The following PRDM16 variants were observed in gnomAD, a reference collection of about 807,000 sequenced individuals.
The protein encoded by PRDM16 is PR/SET domain 16.
Under a neutral mutation model 110.6 loss-of-function variants are expected in PRDM16, and 23 were observed. That is an observed-to-expected ratio of 0.21 (90% CI 0.15 to 0.29). PRDM16 has a LOEUF of 0.29. PRDM16 is among the 10% of genes least tolerant of loss of function. PRDM16 has a pLI of 1.00. For synonymous variants in PRDM16, 799 were observed against 781.8 expected (o/e 1.02, Z -0.37); for missense variants, 1,615 against 1,794.3 (o/e 0.90, Z 1.81).
intron 1 of PRDM16, among the ~76,000 whole-genome samples, chr1:3,112,882 C>T (rs546802955): frequency 1.1e-4 from 16 of 152,224 alleles, no homozygotes; most frequent in Non-Finnish European, 1.8e-4. Flanking sequence ...TCCTGTGGAA[C>T]GGGGTCCCGG....
At chr1:3,180,994 A>G (rs1056812684) in intron 1 of PRDM16, among the ~76,000 whole-genome samples, 7 of 136,920 alleles carry the variant, frequency 5.1e-5, no homozygotes, top group Admixed American at 2.2e-4. Context: ...AGTCTTACAC[A>G]CGATCTTACA....
At chr1:3,292,476 G>A (rs1049274357) in intron 3 of PRDM16, among the ~76,000 whole-genome samples, 1 of 152,238 alleles carries the variant, frequency 6.6e-6, no homozygotes, top group Non-Finnish European at 1.5e-5. Flanking sequence ...CCGCCTGGCT[G>A]CGCCTCTATC....
chr1:3,078,822 C>CA (rs908522140), intron 1 of PRDM16, among the ~76,000 whole-genome samples: 1 of 152,226 alleles, frequency 6.6e-6, no homozygotes, highest in Non-Finnish European at 1.5e-5. Flanking sequence ...GGTATTACAG[C>CA]AACTATGGAT....
chr1:3,341,339 C>T (rs1410918929), intron 3 of PRDM16, among the ~76,000 whole-genome samples: 1 of 152,146 alleles, frequency 6.6e-6, no homozygotes, highest in Non-Finnish European at 1.5e-5. Context: ...GGCTGCAGGC[C>T]CTGGGCCTTG....
At chr1:3,360,906 C>T (rs923364573) in intron 3 of PRDM16, among the ~76,000 whole-genome samples, 1 of 152,218 alleles carries the variant, frequency 6.6e-6, no homozygotes, top group Non-Finnish European at 1.5e-5. Context: ...AAGTCACAAA[C>T]ATGGGGCCAG....
At position 3,244,778 on chromosome 1, in the gene PRDM16, T is replaced by C. The variant is rs1265327323; in HGVS notation, c.438+641T>C. Among the ~76,000 whole-genome samples the C allele has an allele frequency of 2.0e-5, 3 of 152,220 alleles. No homozygotes were observed. The East Asian group carries it at 5.8e-4, about 30-fold the overall frequency. On this transcript the variant is annotated intron_variant, in intron 3 of 16. Coordinates refer to ENST00000270722, the MANE Select transcript of PRDM16 (RefSeq NM_022114.4). This position sits in a 1 kb window ranked among gnomAD's most constrained non-coding sequence, Gnocchi z 4.1. ...CACATGTGTGCCTGGGTGTGCACAC[T>C]GCAGTCCAGACGGCCAGGAGGAGGA... is the stretch of plus-strand genomic sequence containing the variant.
intron 1 of PRDM16, among the ~76,000 whole-genome samples, chr1:3,166,146 A>G (rs1643953788): frequency 6.6e-6 from 1 of 152,252 alleles, no homozygotes; most frequent in Non-Finnish European, 1.5e-5. Flanking sequence ...GCTGAAATTC[A>G]TTAACTGCCA....
At chr1:3,195,467 A>G (rs1638451373) in intron 2 of PRDM16, among the ~76,000 whole-genome samples, 1 of 152,194 alleles carries the variant, frequency 6.6e-6, no homozygotes, top group South Asian at 2.1e-4. Context: ...GACTTTCTTT[A>G]AATAGAGCAT....
At chr1:3,193,206 A>G (rs1569815284) in intron 2 of PRDM16, among the ~76,000 whole-genome samples, 1 of 152,294 alleles carries the variant, frequency 6.6e-6, no homozygotes. Context: ...AGAGTCACCA[A>G]TGTTCCCTGA....
intron 3 of PRDM16, among the ~76,000 whole-genome samples, chr1:3,361,066 T>C (rs1282251127): frequency 1.3e-5 from 2 of 152,170 alleles, no homozygotes; most frequent in African/African-American, 2.4e-5. Flanking sequence ...CAGCGTTCCA[T>C]TGAGCGCAGG....
intron 3 of PRDM16, among the ~76,000 whole-genome samples, chr1:3,291,110 T>C (rs1241948417): frequency 1.3e-5 from 2 of 151,954 alleles, no homozygotes; most frequent in East Asian, 3.9e-4. Flanking sequence ...AGTAGCAGTT[T>C]CCTGATGTGA....
chr1:3,083,895 C>T (rs1319249072), intron 1 of PRDM16, among the ~76,000 whole-genome samples: 3 of 152,226 alleles, frequency 2.0e-5, no homozygotes, highest in African/African-American at 4.8e-5. Flanking sequence ...CCCACACACG[C>T]ATGGAACACG....
chr1:3,182,736 A>G (rs907997728), intron 1 of PRDM16, among the ~76,000 whole-genome samples: 1 of 152,122 alleles, frequency 6.6e-6, no homozygotes, highest in South Asian at 2.1e-4. Context: ...TATGCGATCA[A>G]ATGACGATCG....
At chr1:3,263,791 G>A (rs945695431) in intron 3 of PRDM16, among the ~76,000 whole-genome samples, 2 of 152,374 alleles carry the variant, frequency 1.3e-5, no homozygotes, top group Admixed American at 6.5e-5. Context: ...GAAGCCAGGA[G>A]AAGCCTTTGC....
rs1292713162 is a variant in PRDM16, at chr1:3,209,925, C to T, written c.387+23451C>T. Among the ~76,000 whole-genome samples the T allele has an allele frequency of 2.6e-5, 4 of 152,206 alleles. No homozygotes were observed. On this transcript the variant is annotated intron_variant, in intron 2 of 16. Coordinates refer to ENST00000270722, the MANE Select transcript of PRDM16 (RefSeq NM_022114.4). The surrounding 1 kb of genome is among the most constrained non-coding windows in gnomAD (Gnocchi z 4.6). ...AAAGGTGCACCTGTGTTAGCCCTTTCACAGAACTCTTACTTAACATGGAAA... is the reference window on the plus strand; with the variant it reads ...AAAGGTGCACCTGTGTTAGCCCTTTTACAGAACTCTTACTTAACATGGAAA...
intron 3 of PRDM16, among the ~76,000 whole-genome samples, chr1:3,279,942 G>A (rs776609049): frequency 6.8e-6 from 1 of 146,756 alleles, no homozygotes; most frequent in Non-Finnish European, 1.5e-5. Flanking sequence ...CGAGAAGCAT[G>A]AGCTCGGTCA....
At chr1:3,385,056 G>T in intron 3 of PRDM16, 96 bp from the exon 4 acceptor site, 1 of 1,492,170 alleles carries the variant, frequency 6.7e-7, no homozygotes, top group East Asian at 2.3e-5. Context: ...CTTCCTACTT[G>T]AGCCCAAACA....
chr1:3,437,425 C>G lies in PRDM16; in HGVS notation c.*3614C>G, dbSNP rs1167898269. The G allele has an allele frequency of 4.3e-6, 1 of 231,754 alleles. No individual in the cohort carries two copies. Among genetic ancestry groups the G allele is most frequent in the African/African-American group, 2.2e-5 (1 of 45,192 alleles). 14.4% of individuals were successfully genotyped at this position (231,754 alleles called of 1,614,324 possible). A position where few individuals can be genotyped will look rare whatever the true frequency, so the allele number is the denominator to read the frequency against. On this transcript the variant is annotated 3_prime_UTR_variant, in exon 17 of 17. Coordinates refer to ENST00000270722, the MANE Select transcript of PRDM16 (RefSeq NM_022114.4). The stretch of plus-strand genomic sequence containing the variant: ...GGTCCCCTGCCCCCTCTGTCCCGTC[C>G]CCCTGCCCAAGTGACTGAAACCTAC...
chr1:3,381,685 G>A lies in PRDM16; in HGVS notation c.439-3467G>A, dbSNP rs139932772. Among the ~76,000 whole-genome samples, 83 of 152,260 alleles carry A rather than the reference G, an allele frequency of 5.5e-4. 1 individual carries two copies. Among genetic ancestry groups the A allele is most frequent in the African/African-American group, 1.9e-3 (78 of 41,554 alleles). Reference sequence around the variant, plus strand: ...ATTATAGGCATGAGCCACCGTGCCCGACAGAGGCCAACACTCTTGAGTCAA... The same window carrying A: ...ATTATAGGCATGAGCCACCGTGCCCAACAGAGGCCAACACTCTTGAGTCAA... On this transcript the variant is annotated intron_variant, in intron 3 of 16. Transcript: ENST00000270722.
Sources: allele counts gnomAD v4.1 joint callset (sites outside exome capture counted in the v4.1 genomes callset), GRCh38; gene constraint gnomAD v4.1.1; non-coding constraint Gnocchi (gnomAD v3.1); transcripts MANE v1.5; gene names NCBI Gene and HGNC (gene_info 2026-07-23, HGNC 2026-07-21).